Variants in GRB14 observed in about 807,000 individuals in gnomAD.
GRB14 encodes the protein growth factor receptor-bound protein 14.
In GRB14, 38 loss-of-function variants were observed where a neutral mutation model predicts 69.1. The observed-to-expected ratio is 0.55, with a 90% confidence interval of 0.42 to 0.72. The LOEUF (loss-of-function observed/expected upper bound fraction) is 0.72, where lower values mean the gene tolerates loss of function less well. Among genes scored for constraint, GRB14 ranks in the 30% least tolerant of loss-of-function variants. The probability of loss-of-function intolerance (pLI) is 0.00; values close to 1 mark genes in which losing one functional copy is unlikely to be tolerated. For missense variants in GRB14, 666 were observed against 666.1 expected, an observed-to-expected ratio of 1.00 and a Z score of 0.00; for synonymous variants, 247 against 241.3, an observed-to-expected ratio of 1.02 and a Z score of -0.22.
rs761049169 is a variant in GRB14, at chr2:164,497,367, C to T, written c.1221+7G>A. The T allele has an allele frequency of 1.9e-6, 3 of 1,608,664 alleles. No homozygotes were observed. Among genetic ancestry groups the T allele is most frequent in the South Asian group, 2.2e-5 (2 of 90,680 alleles). On this transcript the variant is annotated splice_region_variant and intron_variant, in intron 10 of 13. Transcript: ENST00000263915. The stretch of plus-strand genomic sequence containing the variant: ...AAATATTTTGAAGCATGTGAAGCTA[C>T]TTGTACCCTCCAAGCGAGTCCTTCT...
At chr2:164,536,184 C>G (rs1688074883) in intron 3 of GRB14, among the ~76,000 whole-genome samples, 1 of 152,146 alleles carries the variant, frequency 6.6e-6, no homozygotes. Context: ...TTTAGTATGA[C>G]TTAGTTCCAA....
At chr2:164,533,559 C>T (rs1688007366) in intron 3 of GRB14, among the ~76,000 whole-genome samples, 1 of 152,112 alleles carries the variant, frequency 6.6e-6, no homozygotes, top group Non-Finnish European at 1.5e-5. Context: ...TAAATATTTG[C>T]TAATTAACTG....
chr2:164,619,762 A>T lies in GRB14; in HGVS notation c.249T>A (p.Pro83=), dbSNP rs1198496747. 4.3e-6 allele frequency: 7 copies of T among 1,610,260 alleles called. No homozygotes were observed. The highest frequency in any genetic ancestry group is 1.7e-6 in the Non-Finnish European group (2 of 1,177,380). ...ATGTAAATGGAGAACAGCATAGCTCAGGAAAAGGGTTTGGAATAGATGGCA... is the reference window on the plus strand; with the variant it reads ...ATGTAAATGGAGAACAGCATAGCTCTGGAAAAGGGTTTGGAATAGATGGCA... ...PEMPSIPNPF[P]ELCCSPFTSV... Residue 83 remains proline, a synonymous_variant, in exon 2 of 14, where the codon CCT becomes CCA. Transcript: ENST00000263915.
intron 2 of GRB14, among the ~76,000 whole-genome samples, chr2:164,574,430 C>T (rs575864317): frequency 2.0e-5 from 3 of 151,806 alleles, no homozygotes; most frequent in South Asian, 4.2e-4. Flanking sequence ...TTAGTAGAGA[C>T]GGGGTTCACC....
chr2:164,618,171 T>G (rs1340984752), intron 2 of GRB14, among the ~76,000 whole-genome samples: 2 of 152,066 alleles, frequency 1.3e-5, no homozygotes, highest in African/African-American at 4.8e-5. Context: ...TTTACCATGT[T>G]GGACAGGATG....
intron 2 of GRB14, among the ~76,000 whole-genome samples, chr2:164,560,829 C>T (rs1339900940): frequency 6.6e-6 from 1 of 152,230 alleles, no homozygotes; most frequent in South Asian, 2.1e-4. Flanking sequence ...GGCTTTCTGA[C>T]AATGCTGTTC....
chr2:164,568,282 A>G, intron 2 of GRB14: 1 of 1,260,228 alleles, frequency 7.9e-7, no homozygotes, highest in Non-Finnish European at 1.0e-6. Context: ...AGCAAGAAAA[A>G]TTAAAGAAAA....
intron 2 of GRB14, among the ~76,000 whole-genome samples, chr2:164,591,388 C>A (rs1474974735): frequency 6.6e-6 from 1 of 152,124 alleles, no homozygotes; most frequent in Non-Finnish European, 1.5e-5. Flanking sequence ...TATCCCCCAA[C>A]CAATAACACC....
chr2:164,619,170 CTG>C (rs1690380271), intron 2 of GRB14, among the ~76,000 whole-genome samples: 1 of 152,216 alleles, frequency 6.6e-6, no homozygotes, highest in Non-Finnish European at 1.5e-5. Context: ...AGCCTCCAAA[CTG>C]AGGAATCCAC....
chr2:164,587,402 T>G (rs1029552398), intron 2 of GRB14, among the ~76,000 whole-genome samples: 1 of 152,204 alleles, frequency 6.6e-6, no homozygotes, highest in African/African-American at 2.4e-5. Flanking sequence ...GTGAATTACT[T>G]TGTTCAAGAT....
At position 164,621,093 on chromosome 2, in the gene GRB14, C is replaced by A; in HGVS notation, c.191+26G>T. The A allele has an allele frequency of 8.0e-7, 1 of 1,245,646 alleles. No individual in the cohort carries two copies. Among genetic ancestry groups the A allele is most frequent in the South Asian group, 4.1e-5 (1 of 24,380 alleles). 77.2% of individuals were successfully genotyped at this position (1,245,646 alleles called of 1,614,324 possible). A position where few individuals can be genotyped will look rare whatever the true frequency, so the allele number is the denominator to read the frequency against. On this transcript the variant is annotated intron_variant, in intron 1 of 13. Transcript: ENST00000263915. This position sits in a 1 kb window ranked among gnomAD's most constrained non-coding sequence, Gnocchi z 6.0. ...TCGCCGGCTGCCCAGCCAGGACACT[C>A]CCCCGCGCCCTCCAGGGTTGCCTAC...
chr2:164,554,672 A>G (rs1460013129), intron 2 of GRB14, among the ~76,000 whole-genome samples: 4 of 152,148 alleles, frequency 2.6e-5, no homozygotes, highest in Non-Finnish European at 5.9e-5. Flanking sequence ...AGCACATGGC[A>G]CCTAGCAATG....
rs1215396041 is a variant in GRB14 at position 164,621,363 on chromosome 2, G to A, written c.-54C>T. The A allele has an allele frequency of 4.0e-6, 5 of 1,243,720 alleles. No homozygotes were observed. The highest frequency in any genetic ancestry group is 3.8e-5 in the South Asian group (1 of 26,448). 77.0% of individuals were successfully genotyped at this position (1,243,720 alleles called of 1,614,324 possible). A position where few individuals can be genotyped will look rare whatever the true frequency, so the allele number is the denominator to read the frequency against. ...TGGGAGACTCGGCGCGTGGGGAGAA[G>A]GGGTTTGCGCGGCGGGAGGCGAGGT... is the stretch of plus-strand genomic sequence containing the variant. On this transcript the variant is annotated 5_prime_UTR_variant, in exon 1 of 14. Coordinates refer to ENST00000263915, the MANE Select transcript of GRB14 (RefSeq NM_004490.3). The surrounding 1 kb of genome is among the most constrained non-coding windows in gnomAD (Gnocchi z 6.0).
At chr2:164,573,570 T>C (rs1221699888) in intron 2 of GRB14, among the ~76,000 whole-genome samples, 2 of 152,202 alleles carry the variant, frequency 1.3e-5, no homozygotes, top group African/African-American at 2.4e-5. Flanking sequence ...ACGTAATATG[T>C]TGTTTCCAAA....
chr2:164,591,246 T>C (rs576312924), intron 2 of GRB14, among the ~76,000 whole-genome samples: 40 of 152,302 alleles, frequency 2.6e-4, no homozygotes, highest in African/African-American at 9.4e-4. Context: ...TTGTTTCTAT[T>C]GTCATCATAC....
chr2:164,536,015 C>T (rs1278144599), intron 3 of GRB14, among the ~76,000 whole-genome samples: 1 of 152,188 alleles, frequency 6.6e-6, no homozygotes, highest in African/African-American at 2.4e-5. Flanking sequence ...TTACAGACAG[C>T]TTCCATTAAT....
intron 3 of GRB14, among the ~76,000 whole-genome samples, chr2:164,541,165 A>C (rs1688226704): frequency 6.6e-6 from 1 of 152,124 alleles, no homozygotes; most frequent in Non-Finnish European, 1.5e-5. Flanking sequence ...TTTTGTATTT[A>C]AAATATTTTT....
intron 8 of GRB14, among the ~76,000 whole-genome samples, chr2:164,507,464 G>A (rs1393500998): frequency 6.6e-6 from 1 of 152,074 alleles, no homozygotes; most frequent in African/African-American, 2.4e-5. Context: ...CCTGTGGTAA[G>A]AAAAGGATTA....
intron 2 of GRB14, among the ~76,000 whole-genome samples, chr2:164,597,049 T>C (rs765289302): frequency 2.0e-5 from 3 of 152,174 alleles, no homozygotes; most frequent in South Asian, 4.1e-4. Flanking sequence ...ACCACATCAA[T>C]CCATAACATT....
Sources: gnomAD v4.1 joint callset for allele counts (sites outside exome capture counted in the v4.1 genomes callset) on GRCh38, gnomAD v4.1.1 for gene constraint, Gnocchi (gnomAD v3.1) non-coding constraint, MANE v1.5 for transcripts, NCBI Gene and HGNC (gene_info 2026-07-23, HGNC 2026-07-21) for gene names.